The following BTD variants were observed in gnomAD, a reference collection of about 807,000 sequenced individuals.
BTD encodes the protein biotinidase.
Under a neutral mutation model 17.7 loss-of-function variants are expected in BTD, and 13 were observed. That is an observed-to-expected ratio of 0.74 (90% CI 0.48 to 1.17). BTD has a LOEUF of 1.17. Among genes scored for constraint, BTD ranks in the 50% most tolerant of loss-of-function variants. The pLI, the probability that BTD is intolerant of heterozygous loss-of-function variation, is 0.00. For missense variants in BTD, 674 were observed against 650.4 expected (o/e 1.04, Z -0.39); for synonymous variants, 240 against 245.2 (o/e 0.98, Z 0.20).
Position 15,647,196 on chromosome 3 carries a change from C to T in BTD, c.*1708C>T, listed in dbSNP as rs966048543. 1 of 152,236 alleles carries T rather than the reference C, an allele frequency of 6.6e-6. No homozygotes were observed. The highest frequency in any genetic ancestry group is 1.5e-5 in the Non-Finnish European group (1 of 68,058). The allele number at this position is 152,236 out of a possible 1,614,324, so 9.4% of individuals were successfully genotyped here. The stretch of plus-strand genomic sequence containing the variant: ...TGACGGAGTTCGCTTTCTCGCCCAG[C>T]GCAGCTCCCACCAGGCGTGAGCTGG... On this transcript the variant is annotated 3_prime_UTR_variant, in exon 4 of 4. Transcript: ENST00000643237.
chr3:15,607,903 G>A (rs1463567275), intron 1 of BTD, among the ~76,000 whole-genome samples: 2 of 152,180 alleles, frequency 1.3e-5, no homozygotes, highest in Non-Finnish European at 2.9e-5. Flanking sequence ...TAATGAAAAG[G>A]TTCTTTGAAT....
chr3:15,679,426 TA>T (rs770305765), intron 3 of BTD: 54 of 1,613,020 alleles, frequency 3.3e-5, no homozygotes, highest in Non-Finnish European at 4.4e-5. Flanking sequence ...AGCAATGGTG[TA>T]TTTCTTAAAA....
At chr3:15,656,078 C>G (rs1452751148), downstream of BTD, among the ~76,000 whole-genome samples, 3 of 152,312 alleles carry the variant, frequency 2.0e-5, no homozygotes, top group East Asian at 1.9e-4. Context: ...GCTGGGATTA[C>G]AGGCATGAGC....
intron 3 of BTD, among the ~76,000 whole-genome samples, chr3:15,702,395 T>C (rs2070747078): frequency 6.6e-6 from 1 of 152,188 alleles, no homozygotes; most frequent in Non-Finnish European, 1.5e-5. Context: ...GTTTGCACAT[T>C]AACACATGTT....
At chr3:15,609,307 A>G (rs1415826290) in intron 1 of BTD, among the ~76,000 whole-genome samples, 1 of 152,184 alleles carries the variant, frequency 6.6e-6, no homozygotes, top group Admixed American at 6.5e-5. Flanking sequence ...TTTCCCCATT[A>G]CACCTCCTTT....
chr3:15,671,018 G>A (rs894866777), intron 3 of BTD, among the ~76,000 whole-genome samples: 26 of 152,230 alleles, frequency 1.7e-4, no homozygotes, highest in African/African-American at 5.5e-4. Flanking sequence ...AATCTTAAAT[G>A]TGTACAGCTT....
intron 3 of BTD, among the ~76,000 whole-genome samples, chr3:15,660,604 G>A (rs1227110187): frequency 4.6e-5 from 7 of 152,016 alleles, no homozygotes; most frequent in Non-Finnish European, 7.4e-5. Context: ...TTTACAAACC[G>A]GACATATGAC....
exon 4 of BTD, among the ~76,000 whole-genome samples, chr3:15,710,360 G>C (rs2072074969): frequency 6.6e-6 from 1 of 152,166 alleles, no homozygotes; most frequent in South Asian, 2.1e-4. Flanking sequence ...TAACTGTCAA[G>C]TGATCAGACA....
chr3:15,683,386 C>G (rs989162768), intron 3 of BTD, among the ~76,000 whole-genome samples: 1 of 152,128 alleles, frequency 6.6e-6, no homozygotes, highest in East Asian at 1.9e-4. Context: ...ACAGTATCTT[C>G]TTTGTTCTAG....
chr3:15,675,516 T>C lies in BTD; in HGVS notation c.399+33459T>C, dbSNP rs186239809. Among the ~76,000 whole-genome samples the C allele has an allele frequency of 2.0e-5, 3 of 152,254 alleles. No homozygotes were observed. In the East Asian group the frequency reaches 5.8e-4, roughly 29 times the overall value. ...CAAAAGAGAACTGTCAAACTGACATTATGAAGTAGGCAAAAGGGGACAGGA... is the reference window on the plus strand; with the variant it reads ...CAAAAGAGAACTGTCAAACTGACATCATGAAGTAGGCAAAAGGGGACAGGA... On this transcript the variant is annotated intron_variant, in intron 3 of 3. Transcript: ENST00000672141.
rs745648160 is a variant in BTD, at chr3:15,601,896, T to G, written c.-17+2T>G. 6.2e-7 allele frequency: 1 copy of G among 1,613,614 alleles called. No homozygotes were observed. Among genetic ancestry groups the G allele is most frequent in the Admixed American group, 1.7e-5 (1 of 60,004 alleles). ...GGGCGGAAGGCGCGCTAAGAGCAGGTACGGAGGGGGCGTGGTGCGGCGCGG... is the reference window on the plus strand; with the variant it reads ...GGGCGGAAGGCGCGCTAAGAGCAGGGACGGAGGGGGCGTGGTGCGGCGCGG... On this transcript the variant is annotated splice_donor_variant, in intron 1 of 3. Coordinates refer to ENST00000643237, the MANE Select transcript of BTD (RefSeq NM_001370658.1). LOFTEE classifies it low-confidence loss of function (5UTR_SPLICE).
intron 1 of BTD, among the ~76,000 whole-genome samples, chr3:15,608,885 A>C (rs1193127496): frequency 6.6e-6 from 1 of 152,204 alleles, no homozygotes; most frequent in Admixed American, 6.5e-5. Context: ...TAGTGTTGAA[A>C]TATTTTCTGT....
intron 3 of BTD, among the ~76,000 whole-genome samples, chr3:15,663,929 T>C (rs1049066987): frequency 6.6e-5 from 10 of 152,224 alleles, no homozygotes; most frequent in African/African-American, 2.4e-4. Context: ...GAGACAGAGT[T>C]TCACTCTTGT....
rs2073691057 is a variant in BTD, at chr3:15,721,241, C to G, written c.1016-529C>G. 9 of 847,968 alleles carry G rather than the reference C, an allele frequency of 1.1e-5. No individual in the cohort carries two copies. The South Asian group carries it at 1.5e-4, about 14-fold the overall frequency. The allele number at this position is 847,968 out of a possible 1,614,324, so 52.5% of individuals were successfully genotyped here. Reference sequence around the variant, plus strand: ...AAATTACTAAAGTGAGAAACGGAGACAAGATAAGTACAGAGATAAGGCTTA... The same window carrying G: ...AAATTACTAAAGTGAGAAACGGAGAGAAGATAAGTACAGAGATAAGGCTTA... On this transcript the variant is annotated intron_variant, in intron 4 of 4. Transcript: ENST00000672427.
chr3:15,637,897 C>T (rs547127005), intron 2 of BTD, among the ~76,000 whole-genome samples: 8 of 152,320 alleles, frequency 5.3e-5, no homozygotes, highest in East Asian at 3.9e-4. Context: ...GTTGAAACCA[C>T]GCCAGCTGCA....
At chr3:15,624,293 C>G (rs2065019463) in intron 1 of BTD, among the ~76,000 whole-genome samples, 1 of 152,136 alleles carries the variant, frequency 6.6e-6, no homozygotes, top group African/African-American at 2.4e-5. Context: ...TGGGGAAATT[C>G]TCAGTCATTA....
chr3:15,691,125 CTTTTT>C (rs535516050), intron 3 of BTD, among the ~76,000 whole-genome samples: 1 of 141,482 alleles, frequency 7.1e-6, no homozygotes. Context: ...CTGAAGTTGT[CTTTTT>C]TTTTTTTTTT....
intron 3 of BTD, chr3:15,670,080 G>A (rs975857202): frequency 1.7e-6 from 1 of 595,154 alleles, no homozygotes; most frequent in South Asian, 2.3e-5. Flanking sequence ...TCTATTTCAA[G>A]ATTCTAGAAG....
intron 3 of BTD, chr3:15,676,103 A>T: frequency 1.3e-6 from 1 of 745,172 alleles, no homozygotes; most frequent in Non-Finnish European, 2.1e-6. Context: ...AGAGGTACAA[A>T]CTCGAGAAAC....
Sources: allele counts gnomAD v4.1 joint callset (sites outside exome capture counted in the v4.1 genomes callset), GRCh38; gene constraint gnomAD v4.1.1; transcripts MANE v1.5; gene names NCBI Gene and HGNC (gene_info 2026-07-23, HGNC 2026-07-21).